EYS: variants seen among roughly 807,000 people sequenced by gnomAD.
The protein encoded by EYS is EGF-like photoreceptor maintenance factor.
EYS carries 250 observed loss-of-function variants against 282.1 expected under a neutral mutation model. The ratio of observed to expected loss-of-function variants is 0.89; its 90% CI spans 0.80 to 0.98. The LOEUF (loss-of-function observed/expected upper bound fraction) is 0.98. Among genes scored for constraint, EYS ranks in the 50% least tolerant of loss-of-function variants. EYS has a pLI of 0.00. For synonymous variants in EYS, 1,355 were observed against 1,282.9 expected (o/e 1.06, Z -1.20); for missense variants, 4,016 against 3,709.0 (o/e 1.08, Z -2.15).
intron 29 of EYS, among the ~76,000 whole-genome samples, chr6:64,342,833 T>C (rs2150397733): frequency 1.3e-5 from 2 of 152,044 alleles, no homozygotes; most frequent in East Asian, 1.9e-4. Flanking sequence ...GAGACACACA[T>C]AGACTCAAAA....
At chr6:64,141,927 T>A (rs1388382217) in intron 31 of EYS, among the ~76,000 whole-genome samples, 1 of 152,148 alleles carries the variant, frequency 6.6e-6, no homozygotes, top group Non-Finnish European at 1.5e-5. Flanking sequence ...AGTTTTCCCT[T>A]CATAATCCCA....
chr6:63,861,939 A>T (rs891731139), intron 36 of EYS, among the ~76,000 whole-genome samples: 19 of 152,232 alleles, frequency 1.2e-4, no homozygotes, highest in African/African-American at 3.9e-4. Flanking sequence ...CCATTACAGC[A>T]GCTGGAGTGA....
chr6:63,930,677 A>G (rs1033161341), intron 35 of EYS, among the ~76,000 whole-genome samples: 1 of 152,226 alleles, frequency 6.6e-6, no homozygotes, highest in Non-Finnish European at 1.5e-5. Context: ...TCAAAACTTC[A>G]TCATGGGTTA....
intron 12 of EYS, among the ~76,000 whole-genome samples, chr6:65,088,563 C>A (rs1046181603): frequency 7.2e-5 from 11 of 152,212 alleles, no homozygotes; most frequent in Non-Finnish European, 1.5e-4. Context: ...GAAGAAATTT[C>A]TAAGCAGCAA....
intron 28 of EYS, among the ~76,000 whole-genome samples, chr6:64,395,023 A>G (rs1485540514): frequency 6.6e-6 from 1 of 152,256 alleles, no homozygotes; most frequent in Non-Finnish European, 1.5e-5. Context: ...CAACAGACAC[A>G]TGAAAAAATG....
At chr6:65,019,936 C>T (rs558548982) in intron 13 of EYS, among the ~76,000 whole-genome samples, 1 of 152,078 alleles carries the variant, frequency 6.6e-6, no homozygotes, top group Admixed American at 6.5e-5. Context: ...TGGGGAAAAG[C>T]CCTTTATAAA....
chr6:64,452,807 T>C lies in EYS; in HGVS notation c.5645-13455A>G, dbSNP rs528576755. Among the ~76,000 whole-genome samples the C allele has an allele frequency of 5.9e-5, 9 of 152,346 alleles. No homozygotes were observed. In the South Asian group the frequency reaches 1.4e-3, roughly 25 times the overall value. On this transcript the variant is annotated intron_variant, in intron 26 of 42. Transcript: ENST00000503581. The stretch of plus-strand genomic sequence containing the variant: ...GTGCTGGGAAAACTGGCTAGCCATA[T>C]GTAGAAAGCTGAAACTGGATCCCTT...
chr6:65,009,698 A>G (rs998509690), intron 13 of EYS, among the ~76,000 whole-genome samples: 2 of 152,180 alleles, frequency 1.3e-5, no homozygotes, highest in Non-Finnish European at 2.9e-5. Flanking sequence ...CTGCCCTTTC[A>G]GAAACCTTGT....
intron 29 of EYS, among the ~76,000 whole-genome samples, chr6:64,349,519 CTG>C (rs1771536961): frequency 6.6e-6 from 1 of 151,102 alleles, no homozygotes; most frequent in African/African-American, 2.4e-5. Context: ...AAAATTTAGT[CTG>C]TGATATTGTT....
chr6:65,591,054 C>CT (rs544276653), intron 2 of EYS, among the ~76,000 whole-genome samples: 88 of 152,116 alleles, frequency 5.8e-4, no homozygotes, highest in Non-Finnish European at 1.0e-3. Flanking sequence ...GATCTCCATA[C>CT]TTTTTTCCAA....
At position 65,402,570 on chromosome 6, in the gene EYS, ATCTGT is replaced by A; in HGVS notation, c.1087_1091del (p.Thr363PhefsTer4). The stretch of plus-strand genomic sequence containing the variant: ...ATGTTTGAATGCTCTTACAAAGCAA[ATCTGT>A]AAATATTGGTGAACAGATGCACATA... On this transcript the variant is annotated frameshift_variant, in exon 7 of 43. Transcript: ENST00000503581. LOFTEE classifies it high-confidence loss of function. 6.3e-7 allele frequency: 1 copy of A among 1,579,870 alleles called. No individual in the cohort carries two copies. Among genetic ancestry groups the A allele is most frequent in the Non-Finnish European group, 8.7e-7 (1 of 1,149,792 alleles).
At chr6:64,873,651 T>A (rs367951038) in intron 19 of EYS, among the ~76,000 whole-genome samples, 34 of 152,180 alleles carry the variant, frequency 2.2e-4, no homozygotes, top group African/African-American at 7.5e-4. Flanking sequence ...TAATAATGTA[T>A]TGCATATATC....
intron 7 of EYS, among the ~76,000 whole-genome samples, chr6:65,391,991 G>T (rs1766055633): frequency 6.6e-6 from 1 of 151,532 alleles, no homozygotes; most frequent in Non-Finnish European, 1.5e-5. Flanking sequence ...CAATGGAACA[G>T]AACAGAGCCC....
intron 8 of EYS, among the ~76,000 whole-genome samples, chr6:65,373,912 C>T (rs538306755): frequency 1.3e-5 from 2 of 152,120 alleles, no homozygotes; most frequent in African/African-American, 4.8e-5. Flanking sequence ...GGACTTATTA[C>T]AAGTCATATT....
chr6:65,202,222 C>G (rs1164765813), intron 12 of EYS, among the ~76,000 whole-genome samples: 1 of 152,006 alleles, frequency 6.6e-6, no homozygotes, highest in Non-Finnish European at 1.5e-5. Context: ...TCATATTACA[C>G]CACTATCAAA....
intron 35 of EYS, among the ~76,000 whole-genome samples, chr6:63,880,522 T>TCTAA (rs1554184448): frequency 6.6e-6 from 1 of 151,918 alleles, no homozygotes; most frequent in Non-Finnish European, 1.5e-5. Flanking sequence ...TATCTATCTA[T>TCTAA]CTATCTATTC....
At chr6:65,134,993 G>GAT (rs1305592704) in intron 12 of EYS, among the ~76,000 whole-genome samples, 4 of 151,814 alleles carry the variant, frequency 2.6e-5, no homozygotes, top group African/African-American at 7.3e-5. Context: ...TTTGGAAACT[G>GAT]ATATATATAT....
intron 22 of EYS, 86 bp from the exon 23 acceptor site, chr6:64,626,331 C>A: frequency 2.7e-6 from 4 of 1,458,548 alleles, no homozygotes; most frequent in Non-Finnish European, 2.7e-6. Flanking sequence ...ATCATTCAAA[C>A]GTGTTTTCAG....
chr6:65,557,274 C>T (rs1768853628), intron 2 of EYS, among the ~76,000 whole-genome samples: 1 of 152,180 alleles, frequency 6.6e-6, no homozygotes, highest in Non-Finnish European at 1.5e-5. Context: ...CCACACCTGC[C>T]AAGGCTGAGC....
Sources: allele counts gnomAD v4.1 joint callset (sites outside exome capture counted in the v4.1 genomes callset), GRCh38; gene constraint gnomAD v4.1.1; transcripts MANE v1.5; gene names NCBI Gene and HGNC (gene_info 2026-07-23, HGNC 2026-07-21).